The following POU6F2 variants were observed in gnomAD, a reference collection of about 807,000 sequenced individuals.
POU6F2 encodes the protein POU class 6 homeobox 2.
A neutral mutation model predicts 71.3 loss-of-function variants in POU6F2; 31 were observed. That is an observed-to-expected ratio of 0.43 (90% CI 0.33 to 0.59). The LOEUF (loss-of-function observed/expected upper bound fraction) is 0.59, where lower values mean the gene tolerates loss of function less well. Among genes scored for constraint, POU6F2 ranks in the 20% least tolerant of loss-of-function variants. The pLI is 0.04. For synonymous variants in POU6F2, 347 were observed against 355.7 expected, an observed-to-expected ratio of 0.98 and a Z score of 0.27; for missense variants, 783 against 856.8, an observed-to-expected ratio of 0.91 and a Z score of 1.07.
intron 2 of POU6F2, among the ~76,000 whole-genome samples, chr7:39,145,217 A>G (rs113556758): frequency 7.9e-5 from 12 of 152,326 alleles, no homozygotes; most frequent in African/African-American, 2.6e-4. Flanking sequence ...TATTTCCTCC[A>G]TAAGTTAAGA....
chr7:39,234,801 A>T (rs533597520), intron 4 of POU6F2, among the ~76,000 whole-genome samples: 9 of 152,332 alleles, frequency 5.9e-5, no homozygotes, highest in Non-Finnish European at 1.2e-4. Flanking sequence ...CATCAATAGT[A>T]CCATTGTTCC....
intron 1 of POU6F2, among the ~76,000 whole-genome samples, chr7:39,085,551 G>A (rs923905307): frequency 6.0e-5 from 9 of 151,260 alleles, no homozygotes; most frequent in African/African-American, 2.2e-4. Context: ...AATTAAAGCT[G>A]TGTTGGTTAG....
chr7:39,107,942 C>A (rs529066464), intron 2 of POU6F2, among the ~76,000 whole-genome samples: 1 of 152,262 alleles, frequency 6.6e-6, no homozygotes, highest in Admixed American at 6.5e-5. Flanking sequence ...AACAGCAGAG[C>A]AAGAAAAGCC....
At chr7:39,166,588 C>T (rs1793121100) in intron 2 of POU6F2, among the ~76,000 whole-genome samples, 1 of 152,112 alleles carries the variant, frequency 6.6e-6, no homozygotes, top group Admixed American at 6.5e-5. Context: ...CTGTGAAAGC[C>T]GGAGCCTGTC....
intron 2 of POU6F2, among the ~76,000 whole-genome samples, chr7:39,127,472 G>A (rs1792163689): frequency 6.6e-6 from 1 of 152,174 alleles, no homozygotes; most frequent in Non-Finnish European, 1.5e-5. Flanking sequence ...AAACGAAAAA[G>A]ACAAGCAAGA....
At chr7:39,020,214 A>G (rs904348703) in intron 1 of POU6F2, among the ~76,000 whole-genome samples, 1 of 152,190 alleles carries the variant, frequency 6.6e-6, no homozygotes, top group African/African-American at 2.4e-5. Context: ...TTCCTCAGGC[A>G]GGCCCTGATA....
At chr7:39,457,385 C>T (rs547103036) in intron 8 of POU6F2, among the ~76,000 whole-genome samples, 40 of 152,272 alleles carry the variant, frequency 2.6e-4, no homozygotes, top group South Asian at 1.5e-3. Context: ...TTTCCCAGCC[C>T]GCTGATTCCC....
intron 2 of POU6F2, among the ~76,000 whole-genome samples, chr7:39,201,714 A>G (rs1793907400): frequency 6.6e-6 from 1 of 152,200 alleles, no homozygotes; most frequent in African/African-American, 2.4e-5. Context: ...TTGTGTTTTC[A>G]TATCTGTGCC....
At chr7:39,279,697 C>T (rs916210533) in intron 4 of POU6F2, among the ~76,000 whole-genome samples, 5 of 152,182 alleles carry the variant, frequency 3.3e-5, no homozygotes, top group Non-Finnish European at 7.3e-5. Context: ...ACTCCATCTT[C>T]CCTCTGTGTG....
chr7:39,180,617 T>C (rs771057089), intron 2 of POU6F2, among the ~76,000 whole-genome samples: 20 of 152,174 alleles, frequency 1.3e-4, no homozygotes, highest in Non-Finnish European at 2.8e-4. Context: ...TTTGCCTTTT[T>C]GGGTCATGGC....
intron 1 of POU6F2, among the ~76,000 whole-genome samples, chr7:39,018,359 AGTTACT>A (rs1438986438): frequency 6.6e-6 from 1 of 152,136 alleles, no homozygotes; most frequent in African/African-American, 2.4e-5. Flanking sequence ...CCCACCCTCT[AGTTACT>A]GTGTCAGGTG....
At chr7:38,986,019 G>T (rs975968007) in intron 1 of POU6F2, among the ~76,000 whole-genome samples, 2 of 152,068 alleles carry the variant, frequency 1.3e-5, no homozygotes, top group Non-Finnish European at 2.9e-5. Context: ...AAATGAAAAT[G>T]AGGCAGTCTA....
intron 5 of POU6F2, among the ~76,000 whole-genome samples, chr7:39,358,873 T>TAA (rs10626884): frequency 0.16 from 22,136 of 134,190 alleles, 2,149 homozygotes; most frequent in Middle Eastern, 0.23. Flanking sequence ...CTTCTGTATT[T>TAA]AAAAAAAAAA....
At chr7:39,136,900 A>C (rs987477623) in intron 2 of POU6F2, among the ~76,000 whole-genome samples, 4 of 151,410 alleles carry the variant, frequency 2.6e-5, no homozygotes, top group Admixed American at 6.6e-5. Context: ...GATGGGTCCC[A>C]GCTATGCAGG....
intron 7 of POU6F2, among the ~76,000 whole-genome samples, chr7:39,441,772 T>C (rs1008363768): frequency 2.0e-5 from 3 of 152,074 alleles, no homozygotes; most frequent in Non-Finnish European, 2.9e-5. Context: ...ACTGAGTGAG[T>C]TAAGAAGTAA....
At chr7:39,069,879 G>T (rs1790838964) in intron 1 of POU6F2, among the ~76,000 whole-genome samples, 1 of 152,216 alleles carries the variant, frequency 6.6e-6, no homozygotes, top group Non-Finnish European at 1.5e-5. Context: ...GGTGGCAGAT[G>T]CAGGAGAAAA....
chr7:39,335,955 G>A (rs1785765657), intron 4 of POU6F2, among the ~76,000 whole-genome samples: 1 of 152,106 alleles, frequency 6.6e-6, no homozygotes, highest in Admixed American at 6.5e-5. Flanking sequence ...CTCTCCTGTG[G>A]CTCCAACAGG....
In POU6F2 at chr7:39,191,620, A is replaced by G. The variant is rs189519692; in HGVS notation, c.278-12615A>G. 3.0e-3 allele frequency among the ~76,000 whole-genome samples: 456 copies of G among 152,380 alleles called. 1 individual carries two copies. The highest frequency in any genetic ancestry group is 8.1e-3 in the Admixed American group (124 of 15,304). On this transcript the variant is annotated intron_variant, in intron 2 of 9. Transcript: ENST00000518318. ...ACTATCATGTAATGGTGTTAAAATA[A>G]TGATAAAAAATAATCTGAACAAGTT...
chr7:39,420,963 CA>C (rs1189983833), intron 6 of POU6F2, among the ~76,000 whole-genome samples: 23 of 152,170 alleles, frequency 1.5e-4, no homozygotes, highest in Middle Eastern at 3.4e-3. Flanking sequence ...TCACAAGGAC[CA>C]AATTTGAAGT....
Sources: allele counts gnomAD v4.1 joint callset (sites outside exome capture counted in the v4.1 genomes callset), GRCh38; gene constraint gnomAD v4.1.1; transcripts MANE v1.5; gene names NCBI Gene and HGNC (gene_info 2026-07-23, HGNC 2026-07-21).